SLC25A48: variants seen among roughly 807,000 people sequenced by gnomAD.
SLC25A48 encodes the protein solute carrier family 25 member 48.
Under a neutral mutation model 32.2 loss-of-function variants are expected in SLC25A48, and 29 were observed. That is an observed-to-expected ratio of 0.90 (90% confidence interval 0.67 to 1.23). The LOEUF (loss-of-function observed/expected upper bound fraction) is 1.23, where lower values mean the gene tolerates loss of function less well. Among genes scored for constraint, SLC25A48 ranks in the 50% most tolerant of loss-of-function variants. The pLI, the probability that SLC25A48 is intolerant of heterozygous loss-of-function variation, is 0.00. For missense variants in SLC25A48, 399 were observed against 422.7 expected, an observed-to-expected ratio of 0.94 and a Z score of 0.49; for synonymous variants, 164 against 172.3, an observed-to-expected ratio of 0.95 and a Z score of 0.38.
chr5:135,746,374 G>T, intron 3 of SLC25A48: 1 of 167,360 alleles, frequency 6.0e-6, no homozygotes, highest in South Asian at 1.4e-4. Flanking sequence ...ACAGAGACAA[G>T]ACCACAGTTA....
chr5:135,773,307 A>C (rs12374471), intron 3 of SLC25A48, among the ~76,000 whole-genome samples: 45,837 of 151,332 alleles, frequency 0.3, 7,088 homozygotes, highest in East Asian at 0.46. Context: ...TTTCCTGTGG[A>C]TATTAAGAAA....
chr5:135,634,502 C>T (rs1374800085), intron 2 of SLC25A48, among the ~76,000 whole-genome samples: 1 of 152,210 alleles, frequency 6.6e-6, no homozygotes, highest in African/African-American at 2.4e-5. Flanking sequence ...GGCTTGGGCC[C>T]TACCTTCCAG....
intron 3 of SLC25A48, among the ~76,000 whole-genome samples, chr5:135,754,056 C>A (rs942636429): frequency 6.6e-6 from 1 of 151,324 alleles, no homozygotes; most frequent in Middle Eastern, 3.4e-3. Flanking sequence ...TATTATTAAT[C>A]GGGATATCAC....
intron 4 of SLC25A48, among the ~76,000 whole-genome samples, chr5:135,828,643 A>G (rs1394711280): frequency 6.6e-6 from 1 of 152,214 alleles, no homozygotes; most frequent in Non-Finnish European, 1.5e-5. Context: ...AGCATGGGCT[A>G]TGGAGGTTCA....
At chr5:135,668,148 G>A (rs1457571206) in intron 3 of SLC25A48, among the ~76,000 whole-genome samples, 1 of 152,146 alleles carries the variant, frequency 6.6e-6, no homozygotes, top group Non-Finnish European at 1.5e-5. Flanking sequence ...TGGTGGTTGG[G>A]TTAATTCCTA....
chr5:135,707,068 G>A (rs543839138), intron 3 of SLC25A48, among the ~76,000 whole-genome samples: 20 of 152,294 alleles, frequency 1.3e-4, no homozygotes, highest in African/African-American at 4.6e-4. Context: ...GAGGCATGAC[G>A]AAGCCAGGGC....
At chr5:135,806,491 T>C (rs1033347883) in intron 3 of SLC25A48, among the ~76,000 whole-genome samples, 1 of 151,376 alleles carries the variant, frequency 6.6e-6, no homozygotes, top group Non-Finnish European at 1.5e-5. Context: ...TCAAAGATAT[T>C]TTATTAATAT....
At chr5:135,690,398 T>A (rs1432954744) in intron 3 of SLC25A48, among the ~76,000 whole-genome samples, 4 of 152,190 alleles carry the variant, frequency 2.6e-5, no homozygotes, top group Admixed American at 2.6e-4. Context: ...TGCATGAAGG[T>A]AAGCGTGCTC....
At chr5:135,774,388 C>T (rs1421921212) in intron 3 of SLC25A48, among the ~76,000 whole-genome samples, 1 of 151,608 alleles carries the variant, frequency 6.6e-6, no homozygotes, top group Admixed American at 6.6e-5. Context: ...TCCTAATATC[C>T]AGGGTGGGAG....
intron 7 of SLC25A48, among the ~76,000 whole-genome samples, chr5:135,886,466 G>T (rs1377735926): frequency 6.6e-6 from 1 of 151,080 alleles, no homozygotes; most frequent in Non-Finnish European, 1.5e-5. Flanking sequence ...GATCTGGGAG[G>T]GGTCAGCCAG....
At chr5:135,810,772 T>C (rs751737516) in intron 3 of SLC25A48, among the ~76,000 whole-genome samples, 1 of 152,210 alleles carries the variant, frequency 6.6e-6, no homozygotes, top group Non-Finnish European at 1.5e-5. Context: ...GACACATCAC[T>C]GAACGCCTTC....
At chr5:135,730,116 G>A (rs1455083217) in intron 3 of SLC25A48, among the ~76,000 whole-genome samples, 3 of 152,140 alleles carry the variant, frequency 2.0e-5, no homozygotes, top group African/African-American at 7.2e-5. Flanking sequence ...CCATGATTTT[G>A]GGGGAGATTA....
intron 3 of SLC25A48, among the ~76,000 whole-genome samples, chr5:135,790,761 C>A (rs979674240): frequency 3.4e-5 from 5 of 148,626 alleles, no homozygotes; most frequent in African/African-American, 1.2e-4. Flanking sequence ...TAGGAAAATG[C>A]TGTACACCAT....
intron 7 of SLC25A48, among the ~76,000 whole-genome samples, chr5:135,886,629 AT>A (rs1561567714): frequency 0.068 from 1,798 of 26,414 alleles, 173 homozygotes; most frequent in South Asian, 0.11. Flanking sequence ...ATATATATAT[AT>A]ATATATAAAA....
At chr5:135,857,779 G>A (rs1274804561) in intron 4 of SLC25A48, among the ~76,000 whole-genome samples, 1 of 152,152 alleles carries the variant, frequency 6.6e-6, no homozygotes, top group Non-Finnish European at 1.5e-5. Flanking sequence ...TCAGGGCTGT[G>A]CACCTGCCCA....
chr5:135,616,283 T>C, intron 1 of SLC25A48, among the ~76,000 whole-genome samples: 1 of 152,094 alleles, frequency 6.6e-6, no homozygotes, highest in Admixed American at 6.5e-5. Flanking sequence ...ACTGACAGCT[T>C]GTACCGTGCA....
chr5:135,642,755 A>G (rs7731545), intron 3 of SLC25A48, among the ~76,000 whole-genome samples: 66,505 of 152,012 alleles, frequency 0.44, 15,107 homozygotes, highest in South Asian at 0.51. Flanking sequence ...CTACGATCTC[A>G]TAGAAACTCA....
At chr5:135,849,427 G>A (rs1051204091) in intron 2 of SLC25A48, among the ~76,000 whole-genome samples, 4 of 152,120 alleles carry the variant, frequency 2.6e-5, no homozygotes, top group Non-Finnish European at 5.9e-5. Context: ...CTAAGACTAG[G>A]GCAGGGGTAC....
chr5:135,866,646 C>T (rs1424894512), intron 4 of SLC25A48, among the ~76,000 whole-genome samples: 2 of 152,222 alleles, frequency 1.3e-5, no homozygotes, highest in Non-Finnish European at 2.9e-5. Flanking sequence ...TCTAAGGGAC[C>T]TCCCAGGCCA....
Sources: allele counts gnomAD v4.1 joint callset (sites outside exome capture counted in the v4.1 genomes callset), GRCh38; gene constraint gnomAD v4.1.1; transcripts MANE v1.5; gene names NCBI Gene and HGNC (gene_info 2026-07-23, HGNC 2026-07-21).